Variants in HDX observed in about 807,000 individuals in gnomAD.
The protein encoded by HDX is highly divergent homeobox.
In HDX, 19 loss-of-function variants were observed where a neutral mutation model predicts 45.2. The observed-to-expected ratio is 0.42, with a 90% CI of 0.29 to 0.62. The LOEUF is 0.62. Ranked by LOEUF, HDX falls within the 20% of genes least tolerant of loss-of-function variation. The probability of loss-of-function intolerance (pLI) is 0.20; values close to 1 mark genes in which losing one functional copy is unlikely to be tolerated. For missense variants in HDX, 532 were observed against 493.9 expected (o/e 1.08, Z -0.73); for synonymous variants, 188 against 172.8 (o/e 1.09, Z -0.69).
At chrX:84,472,678 T>A (rs781480222) in intron 3 of HDX, among the ~76,000 whole-genome samples, 1 of 111,491 alleles carries the variant, frequency 9.0e-6, no homozygotes, top group East Asian at 2.8e-4. Flanking sequence ...AAGTTGTGAG[T>A]ATTATTATTT....
At chrX:84,482,854 G>A (rs1453003516) in intron 2 of HDX, among the ~76,000 whole-genome samples, 4 of 111,983 alleles carry the variant, frequency 3.6e-5, no homozygotes, top group Non-Finnish European at 7.5e-5. Flanking sequence ...AAAATCAAAA[G>A]CAAGTTAGTT....
chrX:84,401,532 C>CA (rs756833487), intron 5 of HDX, among the ~76,000 whole-genome samples: 4 of 111,526 alleles, frequency 3.6e-5, no homozygotes, highest in Non-Finnish European at 7.5e-5. Flanking sequence ...AGCCTAATAG[C>CA]AATTATACAA....
intron 4 of HDX, among the ~76,000 whole-genome samples, chrX:84,466,339 T>C (rs991459573): frequency 9.0e-6 from 1 of 111,686 alleles, no homozygotes; most frequent in Non-Finnish European, 1.9e-5. Context: ...AAGTAGGAAT[T>C]AGTGCCCACA....
intron 5 of HDX, among the ~76,000 whole-genome samples, chrX:84,424,449 TA>T (rs58576073): frequency 0.15 from 15,697 of 105,682 alleles, 1,037 homozygotes; most frequent in East Asian, 0.42. Flanking sequence ...CACAGAAATT[TA>T]AAAAAAAAAA....
At chrX:84,452,000 G>C (rs1186124945) in intron 4 of HDX, among the ~76,000 whole-genome samples, 1 of 111,119 alleles carries the variant, frequency 9.0e-6, no homozygotes, top group East Asian at 2.8e-4. Flanking sequence ...AACATAGTGG[G>C]CCCAGAAGGA....
At chrX:84,388,553 T>G (rs1857508925) in intron 5 of HDX, among the ~76,000 whole-genome samples, 1 of 112,328 alleles carries the variant, frequency 8.9e-6, no homozygotes, top group African/African-American at 3.2e-5. Flanking sequence ...GGAACTTGTC[T>G]TTGAGCTCTG....
chrX:84,426,748 T>C (rs1411351166), intron 5 of HDX, among the ~76,000 whole-genome samples: 1 of 110,666 alleles, frequency 9.0e-6, no homozygotes, highest in African/African-American at 3.3e-5. Context: ...CAATATTTAA[T>C]CAAACTGTGC....
At chrX:84,483,103 G>C (rs1297062064) in intron 2 of HDX, among the ~76,000 whole-genome samples, 1 of 111,258 alleles carries the variant, frequency 9.0e-6, no homozygotes, top group East Asian at 2.8e-4. Flanking sequence ...GCTTTGCAGG[G>C]TACAGCGCCC....
chrX:84,410,023 A>T (rs1451427202), intron 5 of HDX, among the ~76,000 whole-genome samples: 1 of 100,846 alleles, frequency 9.9e-6, no homozygotes, highest in Non-Finnish European at 2.0e-5. Flanking sequence ...ATTTCACTCC[A>T]GCCTGGGTGA....
chrX:84,380,942 A>T (rs2038173328), intron 5 of HDX, among the ~76,000 whole-genome samples: 1 of 111,242 alleles, frequency 9.0e-6, no homozygotes, highest in Non-Finnish European at 1.9e-5. Context: ...TTCTTTGCAA[A>T]TGATATGATC....
At chrX:84,397,031 G>T (rs1274313294) in intron 5 of HDX, among the ~76,000 whole-genome samples, 1 of 112,177 alleles carries the variant, frequency 8.9e-6, no homozygotes, top group African/African-American at 3.2e-5. Flanking sequence ...GCCATATGCA[G>T]GTGTATGGGG....
chrX:84,382,448 G>A (rs1466039060), intron 5 of HDX, among the ~76,000 whole-genome samples: 1 of 111,832 alleles, frequency 8.9e-6, no homozygotes, highest in African/African-American at 3.2e-5. Flanking sequence ...CAACCTAAGT[G>A]TCCATCAACA....
chrX:84,436,939 T>A (rs1360034478), intron 5 of HDX, among the ~76,000 whole-genome samples: 1 of 110,575 alleles, frequency 9.0e-6, no homozygotes. Context: ...GAGTGAGGCA[T>A]TGTAGTTCTC....
Position 84,349,383 on chromosome X carries a change from T to C in HDX, c.1453-4926A>G, listed in dbSNP as rs892425598. 7.7e-5 allele frequency among the ~76,000 whole-genome samples: 8 copies of C among 103,300 alleles called. No homozygotes were observed. In the East Asian group the frequency reaches 9.0e-4, roughly 12 times the overall value. The allele number at this position is 103,300 out of a possible 115,157, so 89.7% of individuals were successfully genotyped here. ...TTTCATTTTATTCCCTTATGACTTA[T>C]TTAAAAATTATATATATATATGTGT... On this transcript the variant is annotated intron_variant, in intron 6 of 10. Coordinates refer to ENST00000373177, the MANE Select transcript of HDX (RefSeq NM_001177479.2).
chrX:84,388,510 C>T (rs900554016), intron 5 of HDX, among the ~76,000 whole-genome samples: 3 of 111,685 alleles, frequency 2.7e-5, no homozygotes, highest in Admixed American at 1.9e-4. Context: ...AATTCTTTTT[C>T]TCTTTATTTT....
chrX:84,495,421 G>A (rs1265947007), intron 1 of HDX, among the ~76,000 whole-genome samples: 1 of 111,242 alleles, frequency 9.0e-6, no homozygotes, highest in Non-Finnish European at 1.9e-5. Flanking sequence ...TCCACAATGT[G>A]TACATATATC....
At chrX:84,373,227 G>A (rs773842362) in intron 5 of HDX, among the ~76,000 whole-genome samples, 2 of 111,307 alleles carry the variant, frequency 1.8e-5, no homozygotes, top group East Asian at 2.8e-4. Flanking sequence ...CTATTTTGAC[G>A]AGGAGCACTT....
chrX:84,425,715 C>T, intron 5 of HDX, among the ~76,000 whole-genome samples: 1 of 111,232 alleles, frequency 9.0e-6, no homozygotes, highest in East Asian at 2.8e-4. Context: ...GAAAGGCTAA[C>T]ATCACATGTT....
At chrX:84,327,423 T>G (rs774969327) in intron 9 of HDX, among the ~76,000 whole-genome samples, 112 of 111,763 alleles carry the variant, frequency 1.0e-3, no homozygotes, top group Non-Finnish European at 1.8e-3. Flanking sequence ...AAGGATGGTA[T>G]TGCATAAGGA....
Sources: allele counts gnomAD v4.1 joint callset (sites outside exome capture counted in the v4.1 genomes callset), GRCh38; gene constraint gnomAD v4.1.1; transcripts MANE v1.5; gene names NCBI Gene and HGNC (gene_info 2026-07-23, HGNC 2026-07-21).